Variants in LSAMP observed in about 807,000 individuals in gnomAD.
LSAMP encodes the protein limbic system-associated membrane protein.
LSAMP carries 7 observed loss-of-function variants against 38.6 expected under a neutral mutation model. The observed-to-expected ratio is 0.18, with a 90% CI of 0.10 to 0.34. LSAMP has a LOEUF of 0.34. Among genes scored for constraint, LSAMP ranks in the 10% least tolerant of loss-of-function variants. The pLI is 1.00. For synonymous variants in LSAMP, 154 were observed against 166.8 expected (o/e 0.92, Z 0.59); for missense variants, 313 against 420.0 (o/e 0.75, Z 2.23).
chr3:116,272,515 T>C (rs2046987734), intron 1 of LSAMP, among the ~76,000 whole-genome samples: 1 of 152,176 alleles, frequency 6.6e-6, no homozygotes, highest in South Asian at 2.1e-4. Flanking sequence ...CACTGGCTAA[T>C]AGGGAGATGC....
chr3:116,331,535 T>G (rs1425957709), intron 1 of LSAMP, among the ~76,000 whole-genome samples: 2 of 152,102 alleles, frequency 1.3e-5, no homozygotes, highest in Non-Finnish European at 2.9e-5. Context: ...CTCAATAAGA[T>G]TAAAAGCAGA....
At chr3:115,963,396 G>A (rs543583360) in intron 3 of LSAMP, among the ~76,000 whole-genome samples, 23 of 152,300 alleles carry the variant, frequency 1.5e-4, no homozygotes, top group African/African-American at 4.6e-4. Flanking sequence ...TGTTCTCTGA[G>A]AGTATATTTG....
chr3:115,986,037 C>T (rs1050036588), intron 3 of LSAMP, among the ~76,000 whole-genome samples: 4 of 151,962 alleles, frequency 2.6e-5, no homozygotes, highest in African/African-American at 9.7e-5. Flanking sequence ...AGAGAATTGC[C>T]AAGTTTGCAA....
At chr3:115,847,995 G>A (rs1164682564) in intron 4 of LSAMP, among the ~76,000 whole-genome samples, 3 of 152,146 alleles carry the variant, frequency 2.0e-5, no homozygotes, top group African/African-American at 7.2e-5. Context: ...ATGAAACATT[G>A]TAGTACTCTG....
chr3:115,937,570 G>A (rs1017787094), intron 3 of LSAMP, among the ~76,000 whole-genome samples: 5 of 151,674 alleles, frequency 3.3e-5, no homozygotes, highest in Non-Finnish European at 7.4e-5. Context: ...GAGCCCAGGA[G>A]TTGGAGGCTA....
intron 3 of LSAMP, among the ~76,000 whole-genome samples, chr3:115,925,683 A>T (rs1937483046): frequency 1.3e-5 from 2 of 152,198 alleles, no homozygotes; most frequent in African/African-American, 4.8e-5. Flanking sequence ...CTTTGAATTA[A>T]ACACTGAGTT....
chr3:115,919,080 C>T (rs879592147), intron 3 of LSAMP, among the ~76,000 whole-genome samples: 16 of 152,126 alleles, frequency 1.1e-4, no homozygotes, highest in Non-Finnish European at 1.9e-4. Flanking sequence ...TCTCTACTTC[C>T]TGTAGGGCAG....
intron 1 of LSAMP, among the ~76,000 whole-genome samples, chr3:116,223,642 T>C (rs1393394018): frequency 2.0e-5 from 3 of 152,180 alleles, no homozygotes; most frequent in Non-Finnish European, 4.4e-5. Context: ...AAACTTACAG[T>C]TTTTATTAAA....
intron 3 of LSAMP, among the ~76,000 whole-genome samples, chr3:115,918,554 C>T (rs1468188849): frequency 1.3e-5 from 2 of 152,134 alleles, no homozygotes; most frequent in African/African-American, 4.8e-5. Flanking sequence ...ATGGAAAGCA[C>T]AGGAACCAGC....
chr3:116,305,396 C>T (rs866657432), intron 1 of LSAMP, among the ~76,000 whole-genome samples: 4 of 151,946 alleles, frequency 2.6e-5, no homozygotes, highest in African/African-American at 9.7e-5. Context: ...TAAAGAGGCC[C>T]AGGAAAACCC....
At chr3:116,266,667 A>G (rs2046895916) in intron 1 of LSAMP, among the ~76,000 whole-genome samples, 1 of 152,162 alleles carries the variant, frequency 6.6e-6, no homozygotes, top group Non-Finnish European at 1.5e-5. Context: ...GAAGTCACCA[A>G]AGACAGCCTG....
intron 1 of LSAMP, among the ~76,000 whole-genome samples, chr3:116,118,445 A>G (rs1209881156): frequency 6.6e-6 from 1 of 152,082 alleles, no homozygotes; most frequent in East Asian, 1.9e-4. Flanking sequence ...AGTTTTACTC[A>G]TCCATCTGCC....
At chr3:115,945,526 C>G (rs1188802009) in intron 3 of LSAMP, among the ~76,000 whole-genome samples, 1 of 152,116 alleles carries the variant, frequency 6.6e-6, no homozygotes, top group African/African-American at 2.4e-5. Flanking sequence ...AACTTTGAAG[C>G]TTCAGGGCCA....
intron 1 of LSAMP, among the ~76,000 whole-genome samples, chr3:116,405,515 A>G (rs1459355725): frequency 6.6e-6 from 1 of 152,098 alleles, no homozygotes; most frequent in East Asian, 1.9e-4. Flanking sequence ...AAATGCTTCC[A>G]ATACGATAAA....
At chr3:116,026,101 A>G (rs929358573) in intron 2 of LSAMP, among the ~76,000 whole-genome samples, 5 of 151,930 alleles carry the variant, frequency 3.3e-5, no homozygotes, top group African/African-American at 1.2e-4. Context: ...TTTTTTTTCT[A>G]TTTAGTAAAA....
chr3:116,359,842 G>C (rs997276887), intron 1 of LSAMP, among the ~76,000 whole-genome samples: 1 of 152,110 alleles, frequency 6.6e-6, no homozygotes, highest in African/African-American at 2.4e-5. Context: ...ATGGATTAAA[G>C]ACTAAAATGT....
chr3:116,359,946 A>C (rs1044467862), intron 1 of LSAMP: 18 of 152,350 alleles, frequency 1.2e-4, no homozygotes, highest in African/African-American at 4.3e-4. Context: ...AGATGCCAAA[A>C]GCAATTGCAA....
intron 3 of LSAMP, among the ~76,000 whole-genome samples, chr3:115,964,755 G>A (rs563853101): frequency 2.6e-5 from 4 of 152,152 alleles, no homozygotes; most frequent in African/African-American, 7.2e-5. Flanking sequence ...AACTTAGCTT[G>A]AATGGGGATA....
intron 2 of LSAMP, among the ~76,000 whole-genome samples, chr3:116,036,443 T>C (rs570322658): frequency 1.3e-5 from 2 of 152,342 alleles, no homozygotes; most frequent in South Asian, 4.1e-4. Context: ...CTCTGCTCTG[T>C]GATTCTGAAG....
Sources: gnomAD v4.1 joint callset for allele counts (sites outside exome capture counted in the v4.1 genomes callset) on GRCh38, gnomAD v4.1.1 for gene constraint, MANE v1.5 for transcripts, NCBI Gene and HGNC (gene_info 2026-07-23, HGNC 2026-07-21) for gene names.